Variants in LEF1 observed in about 807,000 individuals in gnomAD.
LEF1 encodes lymphoid enhancer binding factor 1.
A neutral mutation model predicts 51.2 loss-of-function variants in LEF1; 14 were observed. That is an observed-to-expected ratio of 0.27 (90% CI 0.18 to 0.43). The LOEUF (loss-of-function observed/expected upper bound fraction) is 0.43, where lower values mean the gene tolerates loss of function less well. Ranked by LOEUF, LEF1 falls within the 20% of genes least tolerant of loss-of-function variation. LEF1 has a pLI of 1.00. For missense variants in LEF1, 386 were observed against 512.0 expected (o/e 0.75, Z 2.37); for synonymous variants, 185 against 183.2 (o/e 1.01, Z -0.08).
chr4:108,145,789 T>C (rs999367459), intron 3 of LEF1, among the ~76,000 whole-genome samples: 1 of 152,162 alleles, frequency 6.6e-6, no homozygotes, highest in Non-Finnish European at 1.5e-5. Context: ...AATAGGGAAA[T>C]ATGTTGAGAC....
intron 3 of LEF1, among the ~76,000 whole-genome samples, chr4:108,153,138 C>A (rs1744457713): frequency 6.6e-6 from 1 of 152,176 alleles, no homozygotes; most frequent in African/African-American, 2.4e-5. Flanking sequence ...GCACTCTCTA[C>A]AAGGAAGGAC....
At chr4:108,054,167 G>C (rs1156558412) in intron 11 of LEF1, among the ~76,000 whole-genome samples, 2 of 152,120 alleles carry the variant, frequency 1.3e-5, no homozygotes, top group African/African-American at 4.8e-5. Flanking sequence ...TGGGTCCATC[G>C]GTTACCACCT....
chr4:108,085,231 G>C (rs1415128060), intron 4 of LEF1, among the ~76,000 whole-genome samples: 1 of 152,160 alleles, frequency 6.6e-6, no homozygotes, highest in Non-Finnish European at 1.5e-5. Flanking sequence ...CAGGTATATA[G>C]GCGCGTGCCA....
At chr4:108,053,481 T>C (rs771567338) in intron 11 of LEF1, among the ~76,000 whole-genome samples, 6 of 152,178 alleles carry the variant, frequency 3.9e-5, no homozygotes, top group East Asian at 1.9e-4. Flanking sequence ...AAAGGGGTCA[T>C]TGCCACTCCT....
chr4:108,157,171 T>TAC (rs1381299286), intron 3 of LEF1, among the ~76,000 whole-genome samples: 2 of 54,938 alleles, frequency 3.6e-5, no homozygotes, highest in Admixed American at 5.1e-4. Context: ...TCTCTCTCTA[T>TAC]ATATATATAC....
chr4:108,071,818 A>G (rs1738491065), intron 8 of LEF1: 2 of 152,292 alleles, frequency 1.3e-5, no homozygotes, highest in South Asian at 2.1e-4. Flanking sequence ...ATGAGACCAG[A>G]GCCCACACTA....
chr4:108,167,939 G>A lies in LEF1; in HGVS notation c.-172C>T. ...GCGGGGCCGCCGGCCGGCAGCCGGA[G>A]CAGCTGCCGCGGCGCCCGAATCCCG... On this transcript the variant is annotated 5_prime_UTR_variant, in exon 1 of 12. Transcript: ENST00000265165. This position sits in a 1 kb window ranked among gnomAD's most constrained non-coding sequence, Gnocchi z 5.7. The A allele has an allele frequency of 2.6e-6, 1 of 382,726 alleles. No individual in the cohort carries two copies. Among genetic ancestry groups the A allele is most frequent in the Non-Finnish European group, 4.4e-6 (1 of 225,262 alleles). 23.7% of individuals were successfully genotyped at this position (382,726 alleles called of 1,614,324 possible). A position where few individuals can be genotyped will look rare whatever the true frequency, so the allele number is the denominator to read the frequency against.
intron 3 of LEF1, among the ~76,000 whole-genome samples, chr4:108,128,386 TAAACAA>T: frequency 6.6e-6 from 1 of 151,936 alleles, no homozygotes; most frequent in Admixed American, 6.6e-5. Context: ...GATTACAACA[TAAACAA>T]AATTATTTAT....
chr4:108,071,014 A>C lies in LEF1; in HGVS notation c.1009-244T>G, dbSNP rs113622387. On this transcript the variant is annotated intron_variant, in intron 8 of 11. Transcript: ENST00000265165. Reference sequence around the variant, plus strand: ...CACATGAAACACATCAAAGTCAATCAAAGTGTTCAAAGTAAAATGATCTCT... The same window carrying C: ...CACATGAAACACATCAAAGTCAATCCAAGTGTTCAAAGTAAAATGATCTCT... 1,623 of 340,170 alleles carry C rather than the reference A, an allele frequency of 4.8e-3. 18 individuals carry two copies. The highest frequency in any genetic ancestry group is 0.028 in the African/African-American group (1,369 of 48,160). The allele number at this position is 340,170 out of a possible 1,614,324, so 21.1% of individuals were successfully genotyped here. A position where few individuals can be genotyped will look rare whatever the true frequency, so the allele number is the denominator to read the frequency against.
intron 4 of LEF1, among the ~76,000 whole-genome samples, chr4:108,087,706 T>C (rs796896962): frequency 4.6e-5 from 7 of 152,196 alleles, no homozygotes; most frequent in African/African-American, 1.7e-4. Context: ...AAAGAAATAA[T>C]TAACAACTAA....
chr4:108,056,745 A>G (rs1737328337), intron 11 of LEF1, among the ~76,000 whole-genome samples: 1 of 152,054 alleles, frequency 6.6e-6, no homozygotes, highest in Admixed American at 6.5e-5. Context: ...CAGAAACGAC[A>G]CATATGGGAG....
chr4:108,062,493 G>A (rs1188490702), intron 11 of LEF1, among the ~76,000 whole-genome samples: 1 of 152,140 alleles, frequency 6.6e-6, no homozygotes. Flanking sequence ...GAGGCAGAGA[G>A]CAAGAGTGAC....
chr4:108,049,087 G>A (rs1025585827), intron 11 of LEF1, among the ~76,000 whole-genome samples: 11 of 152,138 alleles, frequency 7.2e-5, no homozygotes, highest in African/African-American at 1.7e-4. Flanking sequence ...TAGGGAAGGC[G>A]GGCAACAGCC....
intron 3 of LEF1, among the ~76,000 whole-genome samples, chr4:108,105,688 T>C (rs1190472149): frequency 6.6e-6 from 1 of 152,236 alleles, no homozygotes; most frequent in Non-Finnish European, 1.5e-5. Flanking sequence ...CGTTTCTCTA[T>C]AGACCTGGTG....
intron 11 of LEF1, among the ~76,000 whole-genome samples, chr4:108,057,170 T>C (rs954489833): frequency 4.6e-5 from 7 of 152,094 alleles, no homozygotes; most frequent in African/African-American, 1.4e-4. Flanking sequence ...TTTCTAAATA[T>C]GTTACAAAAG....
chr4:108,162,987 T>G (rs1179437702), intron 3 of LEF1, among the ~76,000 whole-genome samples: 1 of 151,504 alleles, frequency 6.6e-6, no homozygotes, highest in African/African-American at 2.4e-5. Flanking sequence ...AACCACAAGA[T>G]TAAAAAAAAA....
intron 3 of LEF1, among the ~76,000 whole-genome samples, chr4:108,142,155 C>T (rs529583327): frequency 1.3e-5 from 2 of 152,210 alleles, no homozygotes; most frequent in African/African-American, 2.4e-5. Context: ...ACTTTGCAGA[C>T]ACCTGATGCA....
chr4:108,067,216 T>G (rs1293091479), intron 9 of LEF1, among the ~76,000 whole-genome samples: 3 of 152,248 alleles, frequency 2.0e-5, no homozygotes, highest in Non-Finnish European at 4.4e-5. Context: ...CTTTAAAAGT[T>G]GTGCAGAGGG....
At chr4:108,080,881 C>T (rs1316551496) in intron 6 of LEF1, among the ~76,000 whole-genome samples, 2 of 152,168 alleles carry the variant, frequency 1.3e-5, no homozygotes, top group Non-Finnish European at 2.9e-5. Context: ...AAAGCCACAT[C>T]GAACACACAG....
Sources: allele counts gnomAD v4.1 joint callset (sites outside exome capture counted in the v4.1 genomes callset), GRCh38; gene constraint gnomAD v4.1.1; non-coding constraint Gnocchi (gnomAD v3.1); transcripts MANE v1.5; gene names NCBI Gene and HGNC (gene_info 2026-07-23, HGNC 2026-07-21).